TMCC1: variants seen among roughly 807,000 people sequenced by gnomAD.
TMCC1 encodes transmembrane and coiled-coil domains protein 1.
In TMCC1, 15 loss-of-function variants were observed where a neutral mutation model predicts 52.4. The ratio of observed to expected loss-of-function variants is 0.29; its 90% CI spans 0.19 to 0.44. TMCC1 has a LOEUF of 0.44. Ranked by LOEUF, TMCC1 falls within the 20% of genes least tolerant of loss-of-function variation. TMCC1 has a pLI of 1.00. For missense variants in TMCC1, 503 were observed against 806.0 expected (o/e 0.62, Z 4.55); for synonymous variants, 279 against 301.9 (o/e 0.92, Z 0.79).
At chr3:129,738,631 C>T (rs72985331) in intron 4 of TMCC1, among the ~76,000 whole-genome samples, 14,775 of 152,068 alleles carry the variant, frequency 0.097, 848 homozygotes, top group Middle Eastern at 0.16. Flanking sequence ...TAAACCAAGG[C>T]TAGCTACTGC....
chr3:129,875,834 C>A (rs984906289), intron 2 of TMCC1, among the ~76,000 whole-genome samples: 14 of 152,078 alleles, frequency 9.2e-5, no homozygotes, highest in African/African-American at 3.4e-4. Context: ...GATACTTTTA[C>A]CAAAGAATAA....
chr3:129,693,880 CCT>C (rs2047203131), intron 4 of TMCC1, among the ~76,000 whole-genome samples: 1 of 152,138 alleles, frequency 6.6e-6, no homozygotes, highest in African/African-American at 2.4e-5. Flanking sequence ...AATCTCATCT[CCT>C]TTTTATCAAG....
At chr3:129,705,606 T>C (rs1016650621) in intron 4 of TMCC1, among the ~76,000 whole-genome samples, 3 of 121,458 alleles carry the variant, frequency 2.5e-5, no homozygotes, top group African/African-American at 5.6e-5. Flanking sequence ...TTTGAAACAC[T>C]TTTTTTTTTT....
chr3:129,770,991 G>A (rs2054531707), intron 4 of TMCC1, among the ~76,000 whole-genome samples: 1 of 152,180 alleles, frequency 6.6e-6, no homozygotes, highest in Non-Finnish European at 1.5e-5. Context: ...AAGAAAATAC[G>A]TGTTAATATT....
intron 4 of TMCC1, among the ~76,000 whole-genome samples, chr3:129,776,052 T>G (rs2055012217): frequency 6.6e-6 from 1 of 152,210 alleles, no homozygotes; most frequent in South Asian, 2.1e-4. Context: ...ACTAAGGAAC[T>G]GCCCCACTTC....
At chr3:129,762,191 C>G (rs1181904759) in intron 4 of TMCC1, among the ~76,000 whole-genome samples, 2 of 151,934 alleles carry the variant, frequency 1.3e-5, no homozygotes, top group African/African-American at 4.8e-5. Flanking sequence ...GTGTGCACCA[C>G]TACACTCAGC....
intron 4 of TMCC1, among the ~76,000 whole-genome samples, chr3:129,810,103 T>A (rs558531826): frequency 6.6e-6 from 1 of 152,288 alleles, no homozygotes; most frequent in African/African-American, 2.4e-5. Context: ...ACACCTGTAA[T>A]CCCAGCACTT....
At chr3:129,885,994 G>A (rs2061682649) in intron 1 of TMCC1, among the ~76,000 whole-genome samples, 1 of 152,112 alleles carries the variant, frequency 6.6e-6, no homozygotes, top group Non-Finnish European at 1.5e-5. Context: ...ACCCACCTCA[G>A]CCTCCCAAAG....
Position 129,759,709 on chromosome 3 carries a change from A to ATTTTTTTTTTTTTTTTTTTTT in TMCC1, c.576+68093_576+68094insAAAAAAAAAAAAAAAAAAAAA, listed in dbSNP as rs1560350161. Among the ~76,000 whole-genome samples, 3 of 98,356 alleles carry ATTTTTTTTTTTTTTTTTTTTT rather than the reference A, an allele frequency of 3.1e-5. 1 individual carries two copies. The highest frequency in any genetic ancestry group is 1.2e-4 in the African/African-American group (3 of 25,318). 64.5% of individuals were successfully genotyped at this position (98,356 alleles called of 152,430 possible). A position where few individuals can be genotyped will look rare whatever the true frequency, so the allele number is the denominator to read the frequency against. ...GGCATGAGCCACTGCAGCCAGCCAA[A>ATTTTTTTTTTTTTTTTTTTTT]CTTTTTTTTTTTTTTTTTTTTTTTT... On this transcript the variant is annotated intron_variant, in intron 4 of 6. Transcript: ENST00000393238.
At chr3:129,850,596 A>G (rs969384812) in intron 2 of TMCC1, among the ~76,000 whole-genome samples, 2 of 152,184 alleles carry the variant, frequency 1.3e-5, no homozygotes, top group Non-Finnish European at 2.9e-5. Flanking sequence ...TTTCCAAACA[A>G]TAGTTGCCGA....
chr3:129,861,935 CA>C (rs1184023701), intron 2 of TMCC1, among the ~76,000 whole-genome samples: 1 of 151,800 alleles, frequency 6.6e-6, no homozygotes, highest in African/African-American at 2.4e-5. Flanking sequence ...TCAAAATGGC[CA>C]AAAAATGGAA....
At chr3:129,867,884 G>A (rs2060727272) in intron 2 of TMCC1, among the ~76,000 whole-genome samples, 1 of 152,166 alleles carries the variant, frequency 6.6e-6, no homozygotes, top group Non-Finnish European at 1.5e-5. Flanking sequence ...ATAGTTTGTG[G>A]CATACAAACG....
chr3:129,722,836 G>C (rs2049731133), intron 4 of TMCC1, among the ~76,000 whole-genome samples: 1 of 152,074 alleles, frequency 6.6e-6, no homozygotes, highest in Non-Finnish European at 1.5e-5. Flanking sequence ...GCAAACAACA[G>C]AAAAAGAGGG....
At chr3:129,679,391 C>T (rs1003764245) in intron 4 of TMCC1, among the ~76,000 whole-genome samples, 4 of 152,114 alleles carry the variant, frequency 2.6e-5, no homozygotes, top group Non-Finnish European at 5.9e-5. Flanking sequence ...CTGCAACCTC[C>T]GCCTCCAGGG....
intron 4 of TMCC1, among the ~76,000 whole-genome samples, chr3:129,816,572 G>C (rs987616132): frequency 6.6e-6 from 1 of 152,156 alleles, no homozygotes; most frequent in Non-Finnish European, 1.5e-5. Flanking sequence ...GGTTACCAGA[G>C]GCTTGGGAAA....
intron 4 of TMCC1, among the ~76,000 whole-genome samples, chr3:129,775,429 T>C (rs1041193028): frequency 6.6e-6 from 1 of 151,964 alleles, no homozygotes; most frequent in African/African-American, 2.4e-5. Flanking sequence ...ATCATGCCAC[T>C]GCACTCCAAC....
chr3:129,734,334 T>C (rs1417313777), intron 4 of TMCC1, among the ~76,000 whole-genome samples: 2 of 152,166 alleles, frequency 1.3e-5, no homozygotes, highest in Non-Finnish European at 2.9e-5. Context: ...TTGCATAACA[T>C]GTAGAAGAGA....
intron 2 of TMCC1, among the ~76,000 whole-genome samples, chr3:129,873,008 C>T (rs1234472539): frequency 1.3e-5 from 2 of 151,452 alleles, no homozygotes; most frequent in African/African-American, 2.4e-5. Flanking sequence ...ACCTCCACTT[C>T]CCGGGTTCAA....
chr3:129,835,504 CAAT>C (rs1477052878), intron 2 of TMCC1, among the ~76,000 whole-genome samples: 16 of 151,954 alleles, frequency 1.1e-4, no homozygotes, highest in Non-Finnish European at 1.9e-4. Flanking sequence ...ATTATTAAAG[CAAT>C]AATAACGTGT....
Sources: allele counts gnomAD v4.1 joint callset (sites outside exome capture counted in the v4.1 genomes callset), GRCh38; gene constraint gnomAD v4.1.1; transcripts MANE v1.5; gene names NCBI Gene and HGNC (gene_info 2026-07-23, HGNC 2026-07-21).